The following HAUS2 variants were observed in gnomAD, a reference collection of about 807,000 sequenced individuals.
The protein encoded by HAUS2 is HAUS augmin like complex subunit 2, also known as HAUS augmin-like complex subunit 2.
HAUS2 carries 20 observed loss-of-function variants against 21.6 expected under a neutral mutation model. That is an observed-to-expected ratio of 0.93 (90% CI 0.65 to 1.35). HAUS2 has a LOEUF of 1.35. Ranked by LOEUF, HAUS2 falls within the 40% of genes most tolerant of loss-of-function variation. HAUS2 has a pLI of 0.00. For missense variants in HAUS2, 297 were observed against 280.7 expected (o/e 1.06, Z -0.42); for synonymous variants, 113 against 95.6 (o/e 1.18, Z -1.06).
intron 1 of HAUS2, among the ~76,000 whole-genome samples, chr15:42,552,125 C>G (rs2057731870): frequency 6.6e-6 from 1 of 152,064 alleles, no homozygotes; most frequent in Admixed American, 6.6e-5. Flanking sequence ...TTGGTTCAAG[C>G]AATTCTCCTG....
At chr15:42,565,551 C>G (rs1319317382) in intron 5 of HAUS2, among the ~76,000 whole-genome samples, 16 of 152,006 alleles carry the variant, frequency 1.1e-4, no homozygotes, top group Admixed American at 1.0e-3. Context: ...CAGAGAGTAT[C>G]AACATCACTT....
intron 2 of HAUS2, among the ~76,000 whole-genome samples, chr15:42,559,048 A>C (rs1047678934): frequency 1.3e-5 from 2 of 152,150 alleles, no homozygotes; most frequent in African/African-American, 4.8e-5. Context: ...ATGTTTACTT[A>C]CTAATAGTAG....
At chr15:42,562,880 G>A (rs1317550650) in intron 4 of HAUS2, among the ~76,000 whole-genome samples, 1 of 151,858 alleles carries the variant, frequency 6.6e-6, no homozygotes, top group Non-Finnish European at 1.5e-5. Context: ...AGGCCAAGAT[G>A]GGTTGATCAC....
intron 3 of HAUS2, among the ~76,000 whole-genome samples, chr15:42,559,780 C>G (rs1339424967): frequency 6.6e-6 from 1 of 152,120 alleles, no homozygotes; most frequent in Non-Finnish European, 1.5e-5. Flanking sequence ...ATGGCTCAAG[C>G]AGTCCTCCCA....
chr15:42,552,381 G>A (rs941578858), intron 1 of HAUS2, among the ~76,000 whole-genome samples: 24 of 152,096 alleles, frequency 1.6e-4, no homozygotes, highest in African/African-American at 3.9e-4. Context: ...GATTTGTCAC[G>A]TCATCCCTTC....
At chr15:42,562,849 C>T (rs1483514429) in intron 4 of HAUS2, among the ~76,000 whole-genome samples, 2 of 152,184 alleles carry the variant, frequency 1.3e-5, no homozygotes, top group African/African-American at 2.4e-5. Flanking sequence ...TGGCTCACGC[C>T]TGTAATCCCG....
At chr15:42,566,200 CAAAAA>C (rs796423256) in intron 5 of HAUS2, among the ~76,000 whole-genome samples, 3 of 118,484 alleles carry the variant, frequency 2.5e-5, no homozygotes, top group Admixed American at 1.7e-4. Context: ...GACACCATCT[CAAAAA>C]AAAAAAAAAG....
In HAUS2 at chr15:42,558,242, C is replaced by T; in HGVS notation, c.138C>T (p.Asn46=). The stretch of plus-strand genomic sequence containing the variant: ...AGAAAACAGTTTCTTGTTTTGTGAA[C>T]TTCACCAGACTACAGCAGATCACAA... The part of the protein sequence containing the change: ...MSKKTVSCFV[N]FTRLQQITNI... The change falls in exon 2 of 6, where the codon AAC becomes AAT. Residue 46 remains asparagine (N), a synonymous_variant. Transcript: ENST00000260372. 5.3e-6 allele frequency: 8 copies of T among 1,498,880 alleles called. No homozygotes were observed. Among genetic ancestry groups the T allele is most frequent in the Non-Finnish European group, 7.4e-6 (8 of 1,081,620 alleles). The allele number at this position is 1,498,880 out of a possible 1,614,324, so 92.8% of individuals were successfully genotyped here.
chr15:42,554,276 G>C (rs1566830450), intron 1 of HAUS2, among the ~76,000 whole-genome samples: 1 of 151,452 alleles, frequency 6.6e-6, no homozygotes, highest in Non-Finnish European at 1.5e-5. Flanking sequence ...TAGTTACCAG[G>C]GTTTTCCTTC....
At chr15:42,562,362 G>A (rs2057861000) in intron 4 of HAUS2, among the ~76,000 whole-genome samples, 3 of 152,216 alleles carry the variant, frequency 2.0e-5, no homozygotes, top group Middle Eastern at 3.4e-3. Flanking sequence ...TTGGGAGGCC[G>A]AGGTGGCTGA....
intron 1 of HAUS2, among the ~76,000 whole-genome samples, chr15:42,557,347 TA>T (rs1313236083): frequency 1.8e-5 from 1 of 54,320 alleles, no homozygotes; most frequent in East Asian, 3.8e-4. Flanking sequence ...ATATATATTT[TA>T]TATATAATAT....
chr15:42,564,394 A>C (rs564928031), intron 5 of HAUS2, among the ~76,000 whole-genome samples: 1 of 152,124 alleles, frequency 6.6e-6, no homozygotes, highest in South Asian at 2.1e-4. Flanking sequence ...TTTAATAAAC[A>C]TGTGTTGGCT....
chr15:42,569,786 C>CTTAAAACCT lies in HAUS2; in HGVS notation c.*2974_*2982dup, dbSNP rs1682362294. 1 of 152,198 alleles carries CTTAAAACCT rather than the reference C, an allele frequency of 6.6e-6. No individual in the cohort carries two copies. Among genetic ancestry groups the CTTAAAACCT allele is most frequent in the Non-Finnish European group, 1.5e-5 (1 of 68,042 alleles). The allele number at this position is 152,198 out of a possible 1,614,324, so 9.4% of individuals were successfully genotyped here. A position where few individuals can be genotyped will look rare whatever the true frequency, so the allele number is the denominator to read the frequency against. On this transcript the variant is annotated 3_prime_UTR_variant, in exon 6 of 6. Coordinates refer to ENST00000260372, the MANE Select transcript of HAUS2 (RefSeq NM_018097.3). The stretch of plus-strand genomic sequence containing the variant: ...TAATATCTCGAACATTACATAGACA[C>CTTAAAACCT]TTAAAACCTTTAGTTGTATTTCATC...
At chr15:42,561,193 C>T (rs762549696) in intron 3 of HAUS2, 77 bp from the exon 4 acceptor site, 147 of 930,154 alleles carry the variant, frequency 1.6e-4, no homozygotes, top group Admixed American at 3.1e-4. Context: ...TGGGTAGTGT[C>T]AAACCAAGGC....
chr15:42,565,229 A>T (rs532452167), intron 5 of HAUS2, among the ~76,000 whole-genome samples: 12 of 152,354 alleles, frequency 7.9e-5, no homozygotes, highest in African/African-American at 2.4e-4. Flanking sequence ...AAGACATAAA[A>T]GTCAAAGAAC....
At chr15:42,552,967 G>T (rs946013171) in intron 1 of HAUS2, among the ~76,000 whole-genome samples, 8 of 151,352 alleles carry the variant, frequency 5.3e-5, no homozygotes, top group South Asian at 2.1e-4. Context: ...TACATATATG[G>T]TATATAATGT....
intron 1 of HAUS2, 130 bp from the exon 2 acceptor site, chr15:42,558,068 T>C: frequency 3.4e-6 from 2 of 584,682 alleles, no homozygotes; most frequent in Non-Finnish European, 3.1e-6. Flanking sequence ...CTATTTTACT[T>C]TGTACTTCAT....
rs541852541 is a variant in HAUS2 at position 42,568,685 on chromosome 15, G to A, written c.*1869G>A. 10 of 152,138 alleles carry A rather than the reference G, an allele frequency of 6.6e-5. No individual in the cohort carries two copies. Among genetic ancestry groups the A allele is most frequent in the Non-Finnish European group, 1.2e-4 (8 of 68,022 alleles). The allele number at this position is 152,138 out of a possible 1,614,324, so 9.4% of individuals were successfully genotyped here. A position where few individuals can be genotyped will look rare whatever the true frequency, so the allele number is the denominator to read the frequency against. On this transcript the variant is annotated 3_prime_UTR_variant, in exon 6 of 6. Transcript: ENST00000260372. ...TACATGGTAGGTAGAAGGTACCTAC[G>A]TGACCAGCCCCCAGTAAAAACCCTG...
At chr15:42,563,043 G>T (rs1350997141) in intron 4 of HAUS2, among the ~76,000 whole-genome samples, 2 of 151,590 alleles carry the variant, frequency 1.3e-5, no homozygotes, top group African/African-American at 2.4e-5. Context: ...AACCCAGGAG[G>T]CAGAGATTAC....
Sources: gnomAD v4.1 joint callset for allele counts (sites outside exome capture counted in the v4.1 genomes callset) on GRCh38, gnomAD v4.1.1 for gene constraint, MANE v1.5 for transcripts, NCBI Gene and HGNC (gene_info 2026-07-23, HGNC 2026-07-21) for gene names.